Variants in NPY2R observed in about 807,000 individuals in gnomAD.
The protein encoded by NPY2R is neuropeptide Y receptor type 2.
A neutral mutation model predicts 22.3 loss-of-function variants in NPY2R; 17 were observed. The ratio of observed to expected loss-of-function variants is 0.76; its 90% CI spans 0.52 to 1.14. NPY2R has a LOEUF of 1.14. NPY2R is among the 50% of genes most tolerant of loss of function. NPY2R has a pLI of 0.00. For synonymous variants in NPY2R, 209 were observed against 183.4 expected, an observed-to-expected ratio of 1.14 and a Z score of -1.13; for missense variants, 424 against 467.9, an observed-to-expected ratio of 0.91 and a Z score of 0.87.
Position 155,215,423 on chromosome 4 carries a change from G to A in NPY2R, c.*338G>A. On this transcript the variant is annotated 3_prime_UTR_variant, in exon 2 of 2. Coordinates refer to ENST00000329476, the MANE Select transcript of NPY2R (RefSeq NM_000910.4). ...ATCAAAGCATTGCTGAGAGACGGTG[G>A]GAAAATAAGTTGACTTTCAAATCAC... 2.5e-6 allele frequency: 1 copy of A among 393,826 alleles called. No individual in the cohort carries two copies. The highest frequency in any genetic ancestry group is 5.0e-6 in the Non-Finnish European group (1 of 199,438). The allele number at this position is 393,826 out of a possible 1,614,324, so 24.4% of individuals were successfully genotyped here. A position where few individuals can be genotyped will look rare whatever the true frequency, so the allele number is the denominator to read the frequency against.
At chr4:155,181,483 G>T in the NPY2R span, among the ~76,000 whole-genome samples, 1 of 152,052 alleles carries the variant, frequency 6.6e-6, no homozygotes, top group Non-Finnish European at 1.5e-5. Context: ...CCTTACTATG[G>T]TCTGGATGTT....
At chr4:155,181,914 G>A in the NPY2R span, among the ~76,000 whole-genome samples, 2 of 152,128 alleles carry the variant, frequency 1.3e-5, no homozygotes, top group African/African-American at 4.8e-5. Flanking sequence ...ACATGAACAG[G>A]TTACCATTAA....
In NPY2R at chr4:155,216,342, A is replaced by G. The variant is rs772154859; in HGVS notation, c.*1257A>G. On this transcript the variant is annotated 3_prime_UTR_variant, in exon 2 of 2. Coordinates refer to ENST00000329476, the MANE Select transcript of NPY2R (RefSeq NM_000910.4). The stretch of plus-strand genomic sequence containing the variant: ...GCTACAGTATTTTTTATTTAATTAT[A>G]TTATGAATAAAATTGTTATTTCAAT... 5 of 166,734 alleles carry G rather than the reference A, an allele frequency of 3.0e-5. No individual in the cohort carries two copies. The highest frequency in any genetic ancestry group is 5.9e-5 in the Non-Finnish European group (4 of 68,028). 10.3% of individuals were successfully genotyped at this position (166,734 alleles called of 1,614,324 possible). A position where few individuals can be genotyped will look rare whatever the true frequency, so the allele number is the denominator to read the frequency against.
the NPY2R span, among the ~76,000 whole-genome samples, chr4:155,189,387 T>G: frequency 2.0e-5 from 3 of 152,072 alleles, no homozygotes; most frequent in Non-Finnish European, 4.4e-5. Flanking sequence ...TTTCCTCTGC[T>G]TAGAAATTCC....
At chr4:155,210,634 C>G (rs967390720) in intron 1 of NPY2R, among the ~76,000 whole-genome samples, 3 of 152,078 alleles carry the variant, frequency 2.0e-5, no homozygotes, top group African/African-American at 7.2e-5. Context: ...TCAGATTTCT[C>G]TAATTACTAA....
intron 1 of NPY2R, among the ~76,000 whole-genome samples, chr4:155,210,348 G>T (rs1348839919): frequency 2.0e-5 from 3 of 152,144 alleles, no homozygotes; most frequent in Non-Finnish European, 4.4e-5. Flanking sequence ...AAATAAAAGG[G>T]CTTCAAAATT....
chr4:155,211,179 G>A (rs1260660907), intron 1 of NPY2R, among the ~76,000 whole-genome samples: 1 of 152,174 alleles, frequency 6.6e-6, no homozygotes, highest in Non-Finnish European at 1.5e-5. Flanking sequence ...ACAAATTGCT[G>A]AGTACCTTTA....
chr4:155,185,047 T>TTTTC, the NPY2R span, among the ~76,000 whole-genome samples: 1 of 149,574 alleles, frequency 6.7e-6, no homozygotes, highest in Non-Finnish European at 1.5e-5. Flanking sequence ...TATATATATT[T>TTTTC]TTTTTTTCCT....
chr4:155,186,233 A>C, the NPY2R span, among the ~76,000 whole-genome samples: 1 of 152,200 alleles, frequency 6.6e-6, no homozygotes, highest in Non-Finnish European at 1.5e-5. Flanking sequence ...GATTCTGCCT[A>C]TATAAAACAA....
At chr4:155,194,652 T>C in the NPY2R span, among the ~76,000 whole-genome samples, 3 of 151,954 alleles carry the variant, frequency 2.0e-5, no homozygotes, top group African/African-American at 7.2e-5. Context: ...CTGATGGGCA[T>C]CTTGGTTGAT....
chr4:155,199,572 CA>C, the NPY2R span, among the ~76,000 whole-genome samples: 1 of 151,954 alleles, frequency 6.6e-6, no homozygotes, highest in East Asian at 1.9e-4. Context: ...CAATCCTAAG[CA>C]AAAAGAACAA....
At chr4:155,200,204 CTTCTCAAAAGAA>C in the NPY2R span, among the ~76,000 whole-genome samples, 16 of 152,204 alleles carry the variant, frequency 1.1e-4, no homozygotes, top group Admixed American at 9.8e-4. Context: ...TGAACAGACA[CTTCTCAAAAGAA>C]GACATTACGT....
the NPY2R span, among the ~76,000 whole-genome samples, chr4:155,196,671 G>A: frequency 6.6e-6 from 1 of 151,900 alleles, no homozygotes; most frequent in African/African-American, 2.4e-5. Context: ...AGGTGTGCAG[G>A]TGCTTGAAGG....
chr4:155,195,441 A>G, the NPY2R span, among the ~76,000 whole-genome samples: 1 of 151,954 alleles, frequency 6.6e-6, no homozygotes, highest in Non-Finnish European at 1.5e-5. Context: ...TACATTATTG[A>G]CAGGAACACC....
chr4:155,192,726 A>G, the NPY2R span, among the ~76,000 whole-genome samples: 1 of 151,950 alleles, frequency 6.6e-6, no homozygotes, highest in Non-Finnish European at 1.5e-5. Context: ...GCAAGACTTC[A>G]AGAGAGGCAC....
the NPY2R span, among the ~76,000 whole-genome samples, chr4:155,175,271 T>C: frequency 6.6e-6 from 1 of 152,148 alleles, no homozygotes; most frequent in Non-Finnish European, 1.5e-5. Context: ...TTCAGTATAA[T>C]CTGCTGAAGT....
chr4:155,206,931 A>G (rs576415569), upstream of NPY2R: 1 of 152,358 alleles, frequency 6.6e-6, no homozygotes, highest in Non-Finnish European at 1.5e-5. Context: ...AACCTGTCAC[A>G]TATAACACAT....
At chr4:155,183,555 A>C in the NPY2R span, among the ~76,000 whole-genome samples, 28 of 152,312 alleles carry the variant, frequency 1.8e-4, no homozygotes, top group East Asian at 5.2e-3. Context: ...GGCCAGAGGC[A>C]TGGATCTACA....
chr4:155,177,847 C>T, the NPY2R span, among the ~76,000 whole-genome samples: 1 of 152,066 alleles, frequency 6.6e-6, no homozygotes, highest in Non-Finnish European at 1.5e-5. Context: ...CTTGAGCCAC[C>T]ACACCAAAAA....
Sources: gnomAD v4.1 joint callset for allele counts (sites outside exome capture counted in the v4.1 genomes callset) on GRCh38, gnomAD v4.1.1 for gene constraint, MANE v1.5 for transcripts, NCBI Gene and HGNC (gene_info 2026-07-23, HGNC 2026-07-21) for gene names.